The following ZNF567 variants were observed in gnomAD, a reference collection of about 807,000 sequenced individuals.
ZNF567 encodes zinc finger protein 567.
A neutral mutation model predicts 53.9 loss-of-function variants in ZNF567; 36 were observed. That is an observed-to-expected ratio of 0.67 (90% CI 0.51 to 0.88). The LOEUF (loss-of-function observed/expected upper bound fraction) is 0.88. Ranked by LOEUF, ZNF567 falls within the 40% of genes least tolerant of loss-of-function variation. ZNF567 has a pLI of 0.00. For missense variants in ZNF567, 619 were observed against 764.7 expected (o/e 0.81, Z 2.25); for synonymous variants, 224 against 260.4 (o/e 0.86, Z 1.35).
At chr19:36,689,304 C>A (rs1460966423) in intron 1 of ZNF567, 93 bp from the exon 2 acceptor site, 1 of 141,052 alleles carries the variant, frequency 7.1e-6, no homozygotes, top group Non-Finnish European at 1.5e-5. Context: ...GGATGAATTT[C>A]TTCTGCTGGA....
At chr19:36,702,065 T>C (rs926121140) in intron 3 of ZNF567, among the ~76,000 whole-genome samples, 57 of 152,176 alleles carry the variant, frequency 3.7e-4, no homozygotes, top group Non-Finnish European at 5.7e-4. Flanking sequence ...CTGGTACTGG[T>C]TGTTCCTTTC....
downstream of ZNF567, chr19:36,723,194 G>A: frequency 1.4e-6 from 1 of 702,900 alleles, no homozygotes; most frequent in Non-Finnish European, 2.6e-6. Flanking sequence ...TCTAGGTGGA[G>A]AGGATGGCCT....
chr19:36,689,358 TC>T (rs932478308), intron 1 of ZNF567, 38 bp from the exon 2 acceptor site: 44 of 151,738 alleles, frequency 2.9e-4, no homozygotes, highest in African/African-American at 1.1e-3. Context: ...CTTCTCTAAT[TC>T]CCCAACCTTT....
chr19:36,669,597 A>C, the ZNF567 span, among the ~76,000 whole-genome samples: 1 of 152,154 alleles, frequency 6.6e-6, no homozygotes, highest in Non-Finnish European at 1.5e-5. Context: ...AAGCAGTCCG[A>C]TGTAACCAAC....
intron 2 of ZNF567, among the ~76,000 whole-genome samples, chr19:36,694,212 C>T (rs541463352): frequency 7.4e-4 from 112 of 152,096 alleles, no homozygotes; most frequent in Admixed American, 2.3e-3. Flanking sequence ...TTTGGAACTC[C>T]TACCACAAAA....
At chr19:36,726,802 C>G (rs1181769077), downstream of ZNF567, among the ~76,000 whole-genome samples, 3 of 152,050 alleles carry the variant, frequency 2.0e-5, no homozygotes, top group Non-Finnish European at 4.4e-5. Flanking sequence ...CTACGTAATT[C>G]CATCTGCAGT....
At chr19:36,673,693 CACAG>C in the ZNF567 span, among the ~76,000 whole-genome samples, 1 of 151,956 alleles carries the variant, frequency 6.6e-6, no homozygotes, top group African/African-American at 2.4e-5. Flanking sequence ...CAGACACAGA[CACAG>C]ACACACACAC....
At position 36,712,717 on chromosome 19, in the gene ZNF567, C is replaced by G. The variant is rs1041721926; in HGVS notation, c.137-64C>G. On this transcript the variant is annotated intron_variant, in intron 4 of 5. Coordinates refer to ENST00000682579, the MANE Select transcript of ZNF567 (RefSeq NM_001322917.1). ...TCTTAATTTGCAGTACTGAACATGC[C>G]CCTTTCCTCATTTTTCAGTGGTATT... The G allele has an allele frequency of 1.1e-5, 16 of 1,507,176 alleles. No homozygotes were observed. The African/African-American group carries it at 2.2e-4, about 21-fold the overall frequency. 93.4% of individuals were successfully genotyped at this position (1,507,176 alleles called of 1,614,324 possible). A position where few individuals can be genotyped will look rare whatever the true frequency, so the allele number is the denominator to read the frequency against.
chr19:36,710,792 G>A (rs1369224976), intron 3 of ZNF567, among the ~76,000 whole-genome samples: 2 of 152,070 alleles, frequency 1.3e-5, no homozygotes, highest in African/African-American at 2.4e-5. Flanking sequence ...CCTTAATCCC[G>A]TAAGCCTTAA....
At position 36,719,105 on chromosome 19, in the gene ZNF567, A is replaced by G; in HGVS notation, c.381A>G (p.Ser127=). 5 of 1,611,246 alleles carry G rather than the reference A, an allele frequency of 3.1e-6. No individual in the cohort carries two copies. Among genetic ancestry groups the G allele is most frequent in the Admixed American group, 1.7e-5 (1 of 59,368 alleles). The part of the protein sequence containing the change: ...TFTLGKNPVN[S]KNLPPEYDTH... ...CTCTAGGCAAAAACCCTGTGAATTC[A>G]AAAAATCTACCTCCTGAATATGATA... Residue 127 remains serine (S), a synonymous_variant, in exon 6 of 6, where the codon TCA becomes TCG. Coordinates refer to ENST00000682579, the MANE Select transcript of ZNF567 (RefSeq NM_001322917.1).
chr19:36,720,099 C>A lies in ZNF567; in HGVS notation c.1375C>A (p.Arg459Ser). The stretch of plus-strand genomic sequence containing the variant: ...TTGTAGTGAATGTGGAAAGTCCTTC[C>A]GCCAGAAGACAACCCTTGTAGCACA... ...YICSECGKSF[R>S]QKTTLVAHQR... is the part of the protein sequence containing the mutation. Residue 459 changes from arginine to serine, a missense_variant, in exon 6 of 6, where the codon CGC becomes AGC. Transcript: ENST00000682579. 1 of 1,613,994 alleles carries A rather than the reference C, an allele frequency of 6.2e-7. No individual in the cohort carries two copies. Among genetic ancestry groups the A allele is most frequent in the Middle Eastern group, 1.6e-4 (1 of 6,062 alleles).
At chr19:36,687,938 G>A (rs2145496977) in intron 1 of ZNF567, among the ~76,000 whole-genome samples, 1 of 152,166 alleles carries the variant, frequency 6.6e-6, no homozygotes, top group East Asian at 1.9e-4. Context: ...CTGGAGCACG[G>A]CCTGGCACAC....
At chr19:36,682,774 A>AT (rs1171491304), upstream of ZNF567, among the ~76,000 whole-genome samples, 3 of 150,846 alleles carry the variant, frequency 2.0e-5, no homozygotes, top group Non-Finnish European at 4.4e-5. Context: ...CGCCCAGCTA[A>AT]TTTTTTGTAT....
intron 5 of ZNF567, among the ~76,000 whole-genome samples, chr19:36,715,512 T>TAATA (rs1568711635): frequency 0.028 from 965 of 35,070 alleles, 4 homozygotes; most frequent in Non-Finnish European, 0.034. Flanking sequence ...TAATAATAAT[T>TAATA]ATTATTATTA....
At chr19:36,667,250 A>AT in the ZNF567 span, among the ~76,000 whole-genome samples, 8 of 150,426 alleles carry the variant, frequency 5.3e-5, no homozygotes, top group Admixed American at 2.0e-4. Context: ...TTAAAAAAAA[A>AT]TTTTTTTTTT....
intron 5 of ZNF567, among the ~76,000 whole-genome samples, chr19:36,715,505 TA>T (rs2040013225): frequency 0.018 from 495 of 27,608 alleles, 4 homozygotes; most frequent in Middle Eastern, 0.056. Flanking sequence ...ATAATAATAA[TA>T]ATAATTATTA....
chr19:36,671,300 T>A, the ZNF567 span, among the ~76,000 whole-genome samples: 2 of 151,936 alleles, frequency 1.3e-5, no homozygotes, highest in Non-Finnish European at 2.9e-5. Context: ...AGAGGTCGGG[T>A]GGTGTGGAGC....
intron 3 of ZNF567, among the ~76,000 whole-genome samples, chr19:36,710,447 A>T (rs1008378037): frequency 1.3e-5 from 2 of 152,126 alleles, no homozygotes; most frequent in Admixed American, 1.3e-4. Flanking sequence ...CATCATAAAT[A>T]GTATTGTAAT....
chr19:36,724,004 C>CT (rs536627641), downstream of ZNF567, among the ~76,000 whole-genome samples: 844 of 98,320 alleles, frequency 8.6e-3, 17 homozygotes, highest in African/African-American at 0.025. Context: ...TTCTGTATTT[C>CT]TTTTTTTTTT....
Sources: allele counts gnomAD v4.1 joint callset (sites outside exome capture counted in the v4.1 genomes callset), GRCh38; gene constraint gnomAD v4.1.1; transcripts MANE v1.5; gene names NCBI Gene and HGNC (gene_info 2026-07-23, HGNC 2026-07-21).